PCBP3: variants seen among roughly 807,000 people sequenced by gnomAD.
PCBP3 encodes poly(rC) binding protein 3.
A neutral mutation model predicts 52.7 loss-of-function variants in PCBP3; 25 were observed. The ratio of observed to expected loss-of-function variants is 0.47; its 90% confidence interval spans 0.35 to 0.66. The LOEUF is 0.66. PCBP3 is among the 30% of genes least tolerant of loss of function. PCBP3 has a pLI of 0.01. For missense variants in PCBP3, 391 were observed against 490.3 expected (o/e 0.80, Z 1.91); for synonymous variants, 162 against 183.0 (o/e 0.89, Z 0.93).
In PCBP3 at chr21:45,917,584, C is replaced by A; in HGVS notation, c.676-4C>A. On this transcript the variant is annotated splice_region_variant and splice_polypyrimidine_tract_variant and intron_variant, in intron 12 of 17. Coordinates refer to ENST00000681687, the MANE Select transcript of PCBP3 (RefSeq NM_001384156.1). This position sits in a 1 kb window ranked among gnomAD's most constrained non-coding sequence, Gnocchi z 5.3. ...AGTCTGACGGGGTCTCTCTCTCTCT[C>A]TAGGCCTACACAATCCAGGGACAGT... 6.2e-7 allele frequency: 1 copy of A among 1,612,346 alleles called. No individual in the cohort carries two copies.
chr21:45,941,805 C>T lies in PCBP3; in HGVS notation c.*99C>T, dbSNP rs1427060864. The T allele has an allele frequency of 1.5e-5, 14 of 904,506 alleles. No individual in the cohort carries two copies. Among genetic ancestry groups the T allele is most frequent in the Non-Finnish European group, 2.3e-5 (14 of 600,928 alleles). The allele number at this position is 904,506 out of a possible 1,614,324, so 56.0% of individuals were successfully genotyped here. On this transcript the variant is annotated 3_prime_UTR_variant, in exon 18 of 18. Coordinates refer to ENST00000681687, the MANE Select transcript of PCBP3 (RefSeq NM_001384156.1). The stretch of plus-strand genomic sequence containing the variant: ...GCCCACCTTCCCTGCCTCACAGATA[C>T]CAATAGAGAGGTTTTCTTAATTAAC...
intron 3 of PCBP3, among the ~76,000 whole-genome samples, chr21:45,739,069 GC>G (rs1234267399): frequency 1.5e-5 from 1 of 68,008 alleles, no homozygotes; most frequent in Non-Finnish European, 2.8e-5. Context: ...CCTCTGGGTA[GC>G]CCCCCATCTT....
chr21:45,724,844 C>T lies in PCBP3; in HGVS notation c.-199-10548C>T, dbSNP rs117650020. On this transcript the variant is annotated intron_variant, in intron 2 of 17. Coordinates refer to ENST00000681687, the MANE Select transcript of PCBP3 (RefSeq NM_001384156.1). The surrounding 1 kb of genome is among the most constrained non-coding windows in gnomAD (Gnocchi z 5.3). ...GAAAGTGGGTGGCAGGAGGACAGGA[C>T]GGCCTCTCTGTGAGGGAGGCACTGA... Among the ~76,000 whole-genome samples, 178 of 152,166 alleles carry T rather than the reference C, an allele frequency of 1.2e-3. 3 individuals carry two copies. The East Asian group carries it at 0.029, about 25-fold the overall frequency.
chr21:45,924,635 CA>C, intron 13 of PCBP3, among the ~76,000 whole-genome samples: 1 of 59,566 alleles, frequency 1.7e-5, no homozygotes, highest in Non-Finnish European at 3.0e-5. Context: ...ACACCGGGAA[CA>C]GTCGAGTGGG....
At chr21:45,844,296 A>G (rs1229600053) in intron 4 of PCBP3, among the ~76,000 whole-genome samples, 2 of 152,106 alleles carry the variant, frequency 1.3e-5, no homozygotes, top group African/African-American at 4.8e-5. Flanking sequence ...TGCATGGAGC[A>G]TAGACACGTT....
intron 14 of PCBP3, among the ~76,000 whole-genome samples, 189 bp from the exon 15 acceptor site, chr21:45,930,596 AC>A (rs34722897): frequency 2.0e-5 from 3 of 150,918 alleles, no homozygotes; most frequent in Non-Finnish European, 3.0e-5. Context: ...CCTGTGGACA[AC>A]CCCCCTCTCC....
intron 4 of PCBP3, among the ~76,000 whole-genome samples, chr21:45,845,423 CT>C (rs1372644657): frequency 7.1e-6 from 1 of 140,732 alleles, no homozygotes; most frequent in Non-Finnish European, 1.5e-5. Context: ...TGCATGTGAG[CT>C]GCTTAAGCAC....
chr21:45,920,632 A>C (rs948296553), intron 13 of PCBP3, among the ~76,000 whole-genome samples: 1 of 152,192 alleles, frequency 6.6e-6, no homozygotes, highest in Non-Finnish European at 1.5e-5. Context: ...TGATTGGGTC[A>C]TGAGCGCTCC....
intron 2 of PCBP3, among the ~76,000 whole-genome samples, chr21:45,690,291 C>A (rs1435480907): frequency 3.9e-5 from 6 of 151,956 alleles, no homozygotes; most frequent in Non-Finnish European, 8.8e-5. Flanking sequence ...AAAAAAAGAA[C>A]CTTGATTCTT....
intron 4 of PCBP3, among the ~76,000 whole-genome samples, chr21:45,843,415 T>C (rs1169453085): frequency 6.6e-6 from 1 of 152,274 alleles, no homozygotes; most frequent in Non-Finnish European, 1.5e-5. Flanking sequence ...GCTTAACTTC[T>C]GAACTTTTCT....
At chr21:45,755,310 C>T (rs1199544464) in intron 3 of PCBP3, among the ~76,000 whole-genome samples, 107 bp from the exon 4 acceptor site, 1 of 152,156 alleles carries the variant, frequency 6.6e-6, no homozygotes, top group African/African-American at 2.4e-5. Context: ...ATCCATTCAC[C>T]TATTGATAGA....
intron 4 of PCBP3, among the ~76,000 whole-genome samples, chr21:45,790,000 T>A (rs950064296): frequency 1.3e-5 from 2 of 151,542 alleles, no homozygotes; most frequent in Non-Finnish European, 2.9e-5. Context: ...AATAGCCAGG[T>A]GTGGTGGCGT....
chr21:45,895,478 C>A (rs777242134), intron 5 of PCBP3, among the ~76,000 whole-genome samples: 8 of 152,232 alleles, frequency 5.3e-5, no homozygotes, highest in Non-Finnish European at 1.5e-5. Flanking sequence ...CCGTGCCACA[C>A]AAAGTCACCC....
At chr21:45,939,289 T>C (rs949404184) in intron 16 of PCBP3, among the ~76,000 whole-genome samples, 1 of 152,226 alleles carries the variant, frequency 6.6e-6, no homozygotes, top group East Asian at 1.9e-4. Flanking sequence ...AGAGATGCCA[T>C]TGGCTCCTGT....
At chr21:45,675,766 T>C (rs1362443145) in intron 2 of PCBP3, among the ~76,000 whole-genome samples, 1 of 152,208 alleles carries the variant, frequency 6.6e-6, no homozygotes, top group African/African-American at 2.4e-5. Flanking sequence ...AGCCATTCTT[T>C]CCTTTTTCAC....
intron 1 of PCBP3, among the ~76,000 whole-genome samples, chr21:45,661,807 A>AT (rs2080408684): frequency 1.3e-5 from 2 of 152,212 alleles, no homozygotes; most frequent in Admixed American, 1.3e-4. Context: ...AACATCTGTC[A>AT]TTTTTTGACT....
chr21:45,785,182 C>T (rs1395060342), intron 4 of PCBP3, among the ~76,000 whole-genome samples: 1 of 150,372 alleles, frequency 6.7e-6, no homozygotes, highest in African/African-American at 2.5e-5. Context: ...CCCCTCCGCC[C>T]AGCAGCCGCC....
chr21:45,696,699 G>A (rs1253740135), intron 2 of PCBP3, among the ~76,000 whole-genome samples: 1 of 152,002 alleles, frequency 6.6e-6, no homozygotes, highest in Non-Finnish European at 1.5e-5. Flanking sequence ...GCTGAGGCAG[G>A]AGAATTGCTT....
At chr21:45,760,820 T>G (rs1412930720) in intron 4 of PCBP3, 1 of 152,174 alleles carries the variant, frequency 6.6e-6, no homozygotes. Context: ...GCGCGGTGGC[T>G]CATGCCTGTA....
Sources: gnomAD v4.1 joint callset for allele counts (sites outside exome capture counted in the v4.1 genomes callset) on GRCh38, gnomAD v4.1.1 for gene constraint, Gnocchi (gnomAD v3.1) non-coding constraint, MANE v1.5 for transcripts, NCBI Gene and HGNC (gene_info 2026-07-23, HGNC 2026-07-21) for gene names.